Variants in CRPPA observed in about 807,000 individuals in gnomAD.
CRPPA encodes D-ribitol-5-phosphate cytidylyltransferase.
In CRPPA, 43 loss-of-function variants were observed where a neutral mutation model predicts 52.0. The observed-to-expected ratio is 0.83, with a 90% CI of 0.65 to 1.07. CRPPA has a LOEUF of 1.07. Among genes scored for constraint, CRPPA ranks in the 50% least tolerant of loss-of-function variants. The pLI is 0.00. For synonymous variants in CRPPA, 250 were observed against 203.5 expected (o/e 1.23, Z -1.94); for missense variants, 629 against 551.7 (o/e 1.14, Z -1.40).
chr7:16,171,023 G>A (rs1781173546), intron 9 of CRPPA, among the ~76,000 whole-genome samples: 1 of 152,242 alleles, frequency 6.6e-6, no homozygotes, highest in East Asian at 1.9e-4. Flanking sequence ...GGCTCCCACA[G>A]TGCAGCAGCA....
At chr7:16,167,402 T>G (rs1329150492) in intron 9 of CRPPA, among the ~76,000 whole-genome samples, 1 of 152,180 alleles carries the variant, frequency 6.6e-6, no homozygotes, top group Non-Finnish European at 1.5e-5. Flanking sequence ...ATATTTTCTG[T>G]CAGAAGGTGC....
Position 16,258,402 on chromosome 7 carries a change from A to G in CRPPA, c.1107T>C (p.Val369=). The G allele has an allele frequency of 6.3e-7, 1 of 1,597,072 alleles. No individual in the cohort carries two copies. Among genetic ancestry groups the G allele is most frequent in the Non-Finnish European group, 8.5e-7 (1 of 1,170,004 alleles). ...TAATTTCACTTACTGAAACAACAACAACAGGATATAAAATGCAAAGACTAC... is the reference window on the plus strand; with the variant it reads ...TAATTTCACTTACTGAAACAACAACGACAGGATATAAAATGCAAAGACTAC... ...EESSLCILYP[V]VVVSVHFLDF... The change falls in exon 8 of 10, where the codon GTT becomes GTC. Residue 369 remains valine, a synonymous_variant. Transcript: ENST00000407010.
intron 4 of CRPPA, among the ~76,000 whole-genome samples, chr7:16,307,511 G>C (rs184116275): frequency 6.6e-6 from 1 of 151,624 alleles, no homozygotes; most frequent in South Asian, 2.1e-4. Flanking sequence ...GTGAAACCCC[G>C]TCTCTACTAA....
chr7:16,304,249 T>A (rs1784856898), intron 4 of CRPPA, among the ~76,000 whole-genome samples: 1 of 152,064 alleles, frequency 6.6e-6, no homozygotes, highest in Non-Finnish European at 1.5e-5. Context: ...AGTTCTGTAC[T>A]CCTCAGTGCT....
chr7:16,338,865 G>GTCACCC (rs1785751738), intron 3 of CRPPA, among the ~76,000 whole-genome samples: 1 of 149,266 alleles, frequency 6.7e-6, no homozygotes, highest in African/African-American at 2.5e-5. Context: ...ACCCAGGCTG[G>GTCACCC]AGTGCAGTGG....
chr7:16,216,572 C>G, intron 8 of CRPPA: 1 of 216,274 alleles, frequency 4.6e-6, no homozygotes, highest in Non-Finnish European at 9.3e-6. Flanking sequence ...GGGCGCAGGT[C>G]AGTGGGTGCG....
intron 9 of CRPPA, among the ~76,000 whole-genome samples, chr7:16,143,998 G>A (rs183774779): frequency 7.9e-5 from 12 of 152,298 alleles, no homozygotes; most frequent in African/African-American, 2.9e-4. Context: ...ACAAATATTT[G>A]ACAGGTATCT....
intron 9 of CRPPA, among the ~76,000 whole-genome samples, chr7:16,169,259 T>A (rs566184548): frequency 6.6e-6 from 1 of 152,304 alleles, no homozygotes; most frequent in South Asian, 2.1e-4. Context: ...AGGGGAAGTT[T>A]AAAAAGTACA....
At chr7:16,212,198 A>G (rs994682142) in intron 9 of CRPPA, among the ~76,000 whole-genome samples, 8 of 152,156 alleles carry the variant, frequency 5.3e-5, no homozygotes, top group African/African-American at 1.7e-4. Flanking sequence ...GCTTTATCCC[A>G]TGGCTTCTCC....
intron 4 of CRPPA, among the ~76,000 whole-genome samples, chr7:16,306,655 T>G (rs968254495): frequency 3.3e-5 from 5 of 152,156 alleles, no homozygotes; most frequent in Non-Finnish European, 7.3e-5. Context: ...CCTTAGAGTT[T>G]CCGCCTTTTT....
At chr7:16,336,636 A>G (rs1471169903) in intron 3 of CRPPA, among the ~76,000 whole-genome samples, 4 of 151,948 alleles carry the variant, frequency 2.6e-5, no homozygotes, top group Admixed American at 6.6e-5. Flanking sequence ...GCAAATCCCT[A>G]TCTGATAATA....
chr7:16,399,852 C>T (rs1288187436), intron 2 of CRPPA, among the ~76,000 whole-genome samples: 1 of 151,974 alleles, frequency 6.6e-6, no homozygotes, highest in African/African-American at 2.4e-5. Flanking sequence ...ATGACAGACA[C>T]CTGATTGACA....
At chr7:16,413,904 G>C (rs1172788616) in intron 1 of CRPPA, among the ~76,000 whole-genome samples, 4 of 152,104 alleles carry the variant, frequency 2.6e-5, no homozygotes, top group Non-Finnish European at 5.9e-5. Context: ...TTTACCTGGA[G>C]TTGTCTGACT....
At chr7:16,378,869 G>C (rs1449288388) in intron 2 of CRPPA, among the ~76,000 whole-genome samples, 4 of 152,166 alleles carry the variant, frequency 2.6e-5, no homozygotes, top group Non-Finnish European at 5.9e-5. Flanking sequence ...CAGTGATGGT[G>C]AGCATTTTTT....
At chr7:16,111,682 CA>C (rs1385405924) in intron 9 of CRPPA, among the ~76,000 whole-genome samples, 2 of 152,102 alleles carry the variant, frequency 1.3e-5, no homozygotes, top group African/African-American at 2.4e-5. Flanking sequence ...AGACAAATAT[CA>C]CAGGTCCTTA....
intron 9 of CRPPA, among the ~76,000 whole-genome samples, chr7:16,201,194 A>G (rs1030234458): frequency 1.3e-5 from 2 of 152,198 alleles, no homozygotes; most frequent in Non-Finnish European, 2.9e-5. Flanking sequence ...TTGCATTTAC[A>G]TTGAAATAAA....
In CRPPA at chr7:16,292,641, G is replaced by A. The variant is rs78268838; in HGVS notation, c.835+8780C>T. On this transcript the variant is annotated intron_variant, in intron 5 of 9. Transcript: ENST00000407010. Reference sequence around the variant, plus strand: ...TGTAAGTGCAACAGAATTTCTTCAGGGTTCAACTCCCTGATTAATGTTATT... The same window carrying A: ...TGTAAGTGCAACAGAATTTCTTCAGAGTTCAACTCCCTGATTAATGTTATT... Among the ~76,000 whole-genome samples the A allele has an allele frequency of 7.8e-3, 1,182 of 151,802 alleles. 17 individuals carry two copies. Among genetic ancestry groups the A allele is most frequent in the African/African-American group, 0.026 (1,072 of 41,446 alleles).
intron 2 of CRPPA, among the ~76,000 whole-genome samples, chr7:16,401,821 G>A (rs1213118230): frequency 6.6e-6 from 1 of 151,816 alleles, no homozygotes; most frequent in East Asian, 1.9e-4. Context: ...CTCTAATTTT[G>A]GTAATATGGT....
chr7:16,249,328 G>C (rs898101886), intron 8 of CRPPA, among the ~76,000 whole-genome samples: 2 of 152,186 alleles, frequency 1.3e-5, no homozygotes, highest in Non-Finnish European at 2.9e-5. Context: ...GTCCCCGCCT[G>C]ATGGCTCTGA....
Sources: allele counts gnomAD v4.1 joint callset (sites outside exome capture counted in the v4.1 genomes callset), GRCh38; gene constraint gnomAD v4.1.1; transcripts MANE v1.5; gene names NCBI Gene and HGNC (gene_info 2026-07-23, HGNC 2026-07-21).